ARHGEF7: variants seen among roughly 807,000 people sequenced by gnomAD.
The protein encoded by ARHGEF7 is PAK-interacting exchange factor beta.
In ARHGEF7, 33 loss-of-function variants were observed where a neutral mutation model predicts 109.8. The observed-to-expected ratio is 0.30, with a 90% CI of 0.23 to 0.40. The LOEUF (loss-of-function observed/expected upper bound fraction) is 0.40. ARHGEF7 is among the 10% of genes least tolerant of loss of function. ARHGEF7 has a pLI of 1.00. For missense variants in ARHGEF7, 938 were observed against 1,098.5 expected (o/e 0.85, Z 2.07); for synonymous variants, 458 against 424.6 (o/e 1.08, Z -0.97).
At chr13:111,149,253 AAAAAG>A (rs1317887930) in intron 1 of ARHGEF7, among the ~76,000 whole-genome samples, 7 of 152,230 alleles carry the variant, frequency 4.6e-5, no homozygotes, top group South Asian at 4.1e-4. Context: ...TCTGAAAAAA[AAAAAG>A]AAAAGAAAAG....
rs2090755836 is a variant in ARHGEF7 at position 111,258,801 on chromosome 13, T to C, written c.951-8747T>C. ...GGAGTCCCCAGTTTCAGGCCTTGGC[T>C]GTTAGACATGATTTCGGGACCTGCT... On this transcript the variant is annotated intron_variant, in intron 8 of 21. Coordinates refer to ENST00000646102, the MANE Select transcript of ARHGEF7 (RefSeq NM_001354046.2). The surrounding 1 kb of genome is among the most constrained non-coding windows in gnomAD (Gnocchi z 4.4). Among the ~76,000 whole-genome samples, 1 of 152,142 alleles carries C rather than the reference T, an allele frequency of 6.6e-6. No individual in the cohort carries two copies. The highest frequency in any genetic ancestry group is 6.5e-5 in the Admixed American group (1 of 15,288).
chr13:111,214,142 G>A (rs1594785995), intron 4 of ARHGEF7, among the ~76,000 whole-genome samples: 1 of 152,316 alleles, frequency 6.6e-6, no homozygotes, highest in East Asian at 1.9e-4. Flanking sequence ...TCTTTCTGGG[G>A]TGTTGCATTG....
intron 15 of ARHGEF7, among the ~76,000 whole-genome samples, chr13:111,281,302 CA>C (rs1380017809): frequency 2.8e-5 from 4 of 142,948 alleles, no homozygotes; most frequent in African/African-American, 1.0e-4. Context: ...GTTGTTTTAA[CA>C]GTCGTCATCT....
At chr13:111,209,523 T>C (rs1415445736) in intron 3 of ARHGEF7, among the ~76,000 whole-genome samples, 1 of 152,244 alleles carries the variant, frequency 6.6e-6, no homozygotes. Flanking sequence ...GGAGAATCAG[T>C]ACTTGGTTGT....
At chr13:111,162,259 A>G (rs1025030758) in intron 2 of ARHGEF7, among the ~76,000 whole-genome samples, 25 of 152,246 alleles carry the variant, frequency 1.6e-4, no homozygotes, top group African/African-American at 6.0e-4. Flanking sequence ...TCTATCTTAT[A>G]TCTTCCACAG....
chr13:111,280,247 T>A lies in ARHGEF7; in HGVS notation c.1507-25T>A, dbSNP rs767243985. ...CTAGAAAAGCACTAATTGTTTTTTT[T>A]TTTGTGGGGGGGGGTCTTTTTTAGG... is the stretch of plus-strand genomic sequence containing the variant. On this transcript the variant is annotated intron_variant, in intron 13 of 21. Transcript: ENST00000646102. 3.1e-6 allele frequency: 5 copies of A among 1,591,460 alleles called. No homozygotes were observed. In the African/African-American group the frequency reaches 6.8e-5, roughly 22 times the overall value.
chr13:111,248,554 C>T (rs2089278861), intron 8 of ARHGEF7, among the ~76,000 whole-genome samples: 1 of 152,142 alleles, frequency 6.6e-6, no homozygotes, highest in Admixed American at 6.5e-5. Context: ...GCTTTCTGAC[C>T]TGGTCTCTGC....
intron 4 of ARHGEF7, among the ~76,000 whole-genome samples, chr13:111,210,236 C>A (rs2082332279): frequency 1.3e-5 from 2 of 152,114 alleles, no homozygotes; most frequent in Non-Finnish European, 2.9e-5. Context: ...GGTTGTATTG[C>A]AAGACTCATG....
chr13:111,209,864 C>T lies in ARHGEF7; in HGVS notation c.338-8C>T. 6.2e-7 allele frequency: 1 copy of T among 1,613,940 alleles called. No individual in the cohort carries two copies. The highest frequency in any genetic ancestry group is 8.5e-7 in the Non-Finnish European group (1 of 1,179,896). On this transcript the variant is annotated splice_polypyrimidine_tract_variant and splice_region_variant and intron_variant, in intron 3 of 21. Transcript: ENST00000646102. ...AGCTCTCTTTTTCTGTGTGCATGCTCTTTGCAGACATCGGGCTGGGGAGTG... is the reference window on the plus strand; with the variant it reads ...AGCTCTCTTTTTCTGTGTGCATGCTTTTTGCAGACATCGGGCTGGGGAGTG...
Position 111,266,273 on chromosome 13 carries a change from C to T in ARHGEF7, c.951-1275C>T, listed in dbSNP as rs775175287. ...GGAGCCCCATGCTGTTCCTCATTCT[C>T]GGTGTGAACAGGTGTTTCTCACTCA... On this transcript the variant is annotated intron_variant, in intron 8 of 21. Coordinates refer to ENST00000646102, the MANE Select transcript of ARHGEF7 (RefSeq NM_001354046.2). This position sits in a 1 kb window ranked among gnomAD's most constrained non-coding sequence, Gnocchi z 4.8. Among the ~76,000 whole-genome samples, 14 of 152,048 alleles carry T rather than the reference C, an allele frequency of 9.2e-5. No individual in the cohort carries two copies. The highest frequency in any genetic ancestry group is 2.2e-4 in the African/African-American group (9 of 41,396).
At chr13:111,125,385 CTT>C (rs34548328) in intron 1 of ARHGEF7, among the ~76,000 whole-genome samples, 2 of 143,960 alleles carry the variant, frequency 1.4e-5, no homozygotes, top group Admixed American at 6.9e-5. Context: ...CTTGGAGCAG[CTT>C]TTTTTTTTTT....
intron 4 of ARHGEF7, among the ~76,000 whole-genome samples, chr13:111,214,690 G>C (rs997993489): frequency 1.3e-5 from 2 of 152,234 alleles, no homozygotes; most frequent in Admixed American, 6.5e-5. Context: ...TGGTCACAGG[G>C]CCCAGAGAGC....
rs2090687728 is a variant in ARHGEF7 at position 111,258,342 on chromosome 13, A to T, written c.951-9206A>T. Reference sequence around the variant, plus strand: ...AGTGCAGCCTGCACCTCCAGGAGAGACTCCTTCCTTCTGCTAGAGAATAAG... The same window carrying T: ...AGTGCAGCCTGCACCTCCAGGAGAGTCTCCTTCCTTCTGCTAGAGAATAAG... On this transcript the variant is annotated intron_variant, in intron 8 of 21. Coordinates refer to ENST00000646102, the MANE Select transcript of ARHGEF7 (RefSeq NM_001354046.2). The surrounding 1 kb of genome is among the most constrained non-coding windows in gnomAD (Gnocchi z 4.4). Among the ~76,000 whole-genome samples, 1 of 152,016 alleles carries T rather than the reference A, an allele frequency of 6.6e-6. No homozygotes were observed. The highest frequency in any genetic ancestry group is 1.5e-5 in the Non-Finnish European group (1 of 67,998).
intron 15 of ARHGEF7, among the ~76,000 whole-genome samples, chr13:111,282,438 G>A (rs2092821843): frequency 6.6e-6 from 1 of 152,070 alleles, no homozygotes; most frequent in African/African-American, 2.4e-5. Context: ...ATGGCACACC[G>A]CTCTAAGAAG....
At chr13:111,269,899 T>C (rs981237966) in intron 9 of ARHGEF7, among the ~76,000 whole-genome samples, 3 of 152,222 alleles carry the variant, frequency 2.0e-5, no homozygotes, top group African/African-American at 4.8e-5. Context: ...TTGGTCCTCT[T>C]GCCAGCTTTT....
chr13:111,268,141 C>T (rs1404690328), intron 9 of ARHGEF7, among the ~76,000 whole-genome samples: 1 of 152,188 alleles, frequency 6.6e-6, no homozygotes, highest in Non-Finnish European at 1.5e-5. Flanking sequence ...AATGCACAGA[C>T]GTTTTGCTTA....
In ARHGEF7 at chr13:111,251,593, C is replaced by T. The variant is rs764873153; in HGVS notation, c.950+7299C>T. Among the ~76,000 whole-genome samples, 43 of 152,244 alleles carry T rather than the reference C, an allele frequency of 2.8e-4. No homozygotes were observed. The Middle Eastern group carries it at 0.024, about 84-fold the overall frequency. ...TTCTTTTCCGTGTTAAATAAATATC[C>T]GTTACCTTAAAAGCCACTGACTTAT... On this transcript the variant is annotated intron_variant, in intron 8 of 21. Coordinates refer to ENST00000646102, the MANE Select transcript of ARHGEF7 (RefSeq NM_001354046.2).
At chr13:111,232,520 GGCAGGTGTTTCTTCA>G (rs2086231445) in intron 5 of ARHGEF7, among the ~76,000 whole-genome samples, 1 of 152,148 alleles carries the variant, frequency 6.6e-6, no homozygotes, top group Non-Finnish European at 1.5e-5. Flanking sequence ...GTGTTTCTTC[GGCAGGTGTTTCTTCA>G]GCACCTGTTA....
chr13:111,287,223 A>G (rs1487489160), intron 17 of ARHGEF7, among the ~76,000 whole-genome samples: 2 of 152,102 alleles, frequency 1.3e-5, no homozygotes, highest in African/African-American at 4.8e-5. Context: ...CAGGTCCCTG[A>G]CCACCAGGGC....
Sources: gnomAD v4.1 joint callset for allele counts (sites outside exome capture counted in the v4.1 genomes callset) on GRCh38, gnomAD v4.1.1 for gene constraint, Gnocchi (gnomAD v3.1) non-coding constraint, MANE v1.5 for transcripts, NCBI Gene and HGNC (gene_info 2026-07-23, HGNC 2026-07-21) for gene names.